ERAP1: variants seen among roughly 807,000 people sequenced by gnomAD.
The protein encoded by ERAP1 is endoplasmic reticulum aminopeptidase 1.
Under a neutral mutation model 103.7 loss-of-function variants are expected in ERAP1, and 86 were observed. The ratio of observed to expected loss-of-function variants is 0.83; its 90% confidence interval spans 0.70 to 0.99. ERAP1 has a LOEUF of 0.99. Among genes scored for constraint, ERAP1 ranks in the 50% least tolerant of loss-of-function variants. The pLI is 0.00. For missense variants in ERAP1, 1,009 were observed against 1,128.4 expected (o/e 0.89, Z 1.52); for synonymous variants, 398 against 402.4 (o/e 0.99, Z 0.13).
chr5:96,908,664 G>C, the ERAP1 span, among the ~76,000 whole-genome samples: 12 of 152,142 alleles, frequency 7.9e-5, no homozygotes, highest in African/African-American at 2.9e-4. Context: ...TTTGCTATGT[G>C]GTAGACATTA....
In ERAP1 at chr5:96,783,154, G is replaced by T; in HGVS notation, c.2182C>A (p.Arg728=). The T allele has an allele frequency of 1.2e-6, 2 of 1,614,120 alleles. No individual in the cohort carries two copies. The highest frequency in any genetic ancestry group is 2.2e-5 in the South Asian group (2 of 91,074). The change falls in exon 15 of 19, where the codon CGG becomes AGG. Residue 728 remains arginine, a synonymous_variant. Coordinates refer to ENST00000443439, the MANE Select transcript of ERAP1 (RefSeq NM_001040458.3). ...CAGGCGAGGAGTAGTAGTTGACTCC[G>T]CAGCATTCGCTCTGAGACTGAGCCC... is the stretch of plus-strand genomic sequence containing the variant. ...DEGSVSERML[R]SQLLLLACVH...
the ERAP1 span, among the ~76,000 whole-genome samples, chr5:96,832,458 T>C: frequency 6.6e-6 from 1 of 152,044 alleles, no homozygotes; most frequent in African/African-American, 2.4e-5. Flanking sequence ...GAATTGGGGG[T>C]ATATATAATA....
At chr5:96,829,110 T>C in the ERAP1 span, among the ~76,000 whole-genome samples, 1 of 152,268 alleles carries the variant, frequency 6.6e-6, no homozygotes, top group Non-Finnish European at 1.5e-5. Flanking sequence ...CCTCCCAAAG[T>C]GCTGGGATTA....
At chr5:96,778,135 A>G (rs957962937) in intron 18 of ERAP1, among the ~76,000 whole-genome samples, 8 of 152,198 alleles carry the variant, frequency 5.3e-5, no homozygotes, top group African/African-American at 1.9e-4. Context: ...GTTCACCAAT[A>G]TTTACTCTGA....
chr5:96,869,814 C>T, the ERAP1 span, among the ~76,000 whole-genome samples: 4 of 152,080 alleles, frequency 2.6e-5, no homozygotes, highest in Admixed American at 2.6e-4. Context: ...GGCAAAAGGC[C>T]CAGAAAAACC....
At chr5:96,826,907 G>C in the ERAP1 span, among the ~76,000 whole-genome samples, 1 of 152,182 alleles carries the variant, frequency 6.6e-6, no homozygotes, top group African/African-American at 2.4e-5. Context: ...AAACAAACTA[G>C]TTATAGAAAT....
At chr5:96,877,635 C>T in the ERAP1 span, among the ~76,000 whole-genome samples, 1 of 152,182 alleles carries the variant, frequency 6.6e-6, no homozygotes, top group African/African-American at 2.4e-5. Context: ...AAGTAAAAAA[C>T]TTTGCCCATG....
At chr5:96,763,041 G>C in exon 20 of ERAP1, 2 of 737,504 alleles carry the variant, frequency 2.7e-6, no homozygotes, top group Non-Finnish European at 5.0e-6. Flanking sequence ...ATTATAAAGG[G>C]ATTGCCCTAA....
chr5:96,816,643 T>C, the ERAP1 span, among the ~76,000 whole-genome samples: 4 of 152,186 alleles, frequency 2.6e-5, no homozygotes, highest in Admixed American at 6.5e-5. Flanking sequence ...ATTCAACCAG[T>C]TGGAGTCACT....
At chr5:96,890,121 C>T in the ERAP1 span, among the ~76,000 whole-genome samples, 1 of 152,124 alleles carries the variant, frequency 6.6e-6, no homozygotes, top group Non-Finnish European at 1.5e-5. Context: ...GTCTATCTTG[C>T]TTTTAATTTT....
the ERAP1 span, among the ~76,000 whole-genome samples, chr5:96,867,911 T>A: frequency 6.6e-6 from 1 of 152,042 alleles, no homozygotes; most frequent in Admixed American, 6.5e-5. Flanking sequence ...TTGTCTCTAC[T>A]ACAAATGCAA....
At chr5:96,873,603 A>G in the ERAP1 span, 1 of 390,220 alleles carries the variant, frequency 2.6e-6, no homozygotes, top group South Asian at 1.8e-5. Context: ...AAAGCTGAGG[A>G]AACACTTGGC....
At chr5:96,883,907 A>G in the ERAP1 span, 7 of 1,612,212 alleles carry the variant, frequency 4.3e-6, no homozygotes, top group Non-Finnish European at 5.9e-6. Context: ...GAGCAGGCAT[A>G]TTGCACTATC....
intron 5 of ERAP1, 35 bp from the exon 6 acceptor site, chr5:96,793,992 T>C: frequency 6.2e-7 from 1 of 1,608,206 alleles, no homozygotes; most frequent in Non-Finnish European, 8.5e-7. Context: ...ATTACCAGTC[T>C]CTAAGCTATA....
chr5:96,877,609 A>G, the ERAP1 span, among the ~76,000 whole-genome samples: 5 of 152,374 alleles, frequency 3.3e-5, no homozygotes, highest in Admixed American at 6.5e-5. Context: ...TATGGTTGAG[A>G]TAAATGAAGC....
In ERAP1 at chr5:96,800,988, T is replaced by C; in HGVS notation, c.537A>G (p.Ser179=). The C allele has an allele frequency of 6.2e-7, 1 of 1,614,112 alleles. No homozygotes were observed. Among genetic ancestry groups the C allele is most frequent in the East Asian group, 2.2e-5 (1 of 44,884 alleles). The change falls in exon 3 of 19, where the codon TCA becomes TCG. Residue 179 remains serine (S), a synonymous_variant. Coordinates refer to ENST00000443439, the MANE Select transcript of ERAP1 (RefSeq NM_001040458.3). ...TKEGELRILA[S]TQFEPTAARM... is the part of the protein sequence containing the mutation. The stretch of plus-strand genomic sequence containing the variant: ...TAGCTGCAGTGGGTTCAAATTGTGT[T>C]GATGCTAGTATCCTAAAATTAAGGC...
the ERAP1 span, among the ~76,000 whole-genome samples, chr5:96,921,675 G>T: frequency 6.6e-6 from 1 of 152,148 alleles, no homozygotes; most frequent in East Asian, 1.9e-4. Context: ...GACAGAGAAG[G>T]TCAGGAAACT....
intron 13 of ERAP1, chr5:96,785,412 T>C (rs1193912300): frequency 1.2e-5 from 4 of 327,252 alleles, no homozygotes; most frequent in South Asian, 2.6e-5. Flanking sequence ...AAGGCTGTTA[T>C]AAAGACCCAG....
the ERAP1 span, chr5:96,901,815 T>G: frequency 1.2e-6 from 1 of 851,958 alleles, no homozygotes; most frequent in Non-Finnish European, 1.8e-6. Context: ...TAAAGTAGAC[T>G]TGATAAGATT....
Sources: gnomAD v4.1 joint callset for allele counts (sites outside exome capture counted in the v4.1 genomes callset) on GRCh38, gnomAD v4.1.1 for gene constraint, MANE v1.5 for transcripts, NCBI Gene and HGNC (gene_info 2026-07-23, HGNC 2026-07-21) for gene names.